Variants in ABCC8 observed in about 807,000 individuals in gnomAD.
ABCC8 encodes ATP binding cassette subfamily C member 8, also known as ATP-binding cassette sub-family C member 8.
Under a neutral mutation model 188.0 loss-of-function variants are expected in ABCC8, and 137 were observed. That is an observed-to-expected ratio of 0.73 (90% CI 0.63 to 0.84). The LOEUF (loss-of-function observed/expected upper bound fraction) is 0.84, where lower values mean the gene tolerates loss of function less well. ABCC8 is among the 40% of genes least tolerant of loss of function. ABCC8 has a pLI of 0.00. For missense variants in ABCC8, 1,750 were observed against 2,072.7 expected (o/e 0.84, Z 3.02); for synonymous variants, 797 against 846.5 (o/e 0.94, Z 1.01).
In ABCC8 at chr11:17,410,647, G is replaced by T. The variant is rs773186703; in HGVS notation, c.2563C>A (p.Pro855Thr). 2 of 1,614,090 alleles carry T rather than the reference G, an allele frequency of 1.2e-6. No individual in the cohort carries two copies. Among genetic ancestry groups the T allele is most frequent in the South Asian group, 2.2e-5 (2 of 91,078 alleles). The change falls in exon 22 of 39, where the codon CCC (proline) becomes ACC (threonine). Residue 855 changes from proline (P) to threonine (T), a missense_variant. Transcript: ENST00000389817. ...AGATGGATATCCAGAGCTGAGAAGG[G>T]GTCATCCTGGGCAGAAGGGAGAGGA... Reference protein sequence around the residue: ...QHANVVFLDDPFSALDIHLSD... With the variant: ...QHANVVFLDDTFSALDIHLSD...
At chr11:17,463,302 C>T in intron 4 of ABCC8, 136 bp downstream of exon 4, 1 of 759,424 alleles carries the variant, frequency 1.3e-6, no homozygotes. Context: ...GCCCCACTCC[C>T]CTTTACACGG....
chr11:17,404,816 CA>C lies in ABCC8; in HGVS notation c.3400-148del. The C allele has an allele frequency of 7.7e-7, 1 of 1,293,636 alleles. No homozygotes were observed. Among genetic ancestry groups the C allele is most frequent in the South Asian group, 1.4e-5 (1 of 72,562 alleles). 80.1% of individuals were successfully genotyped at this position (1,293,636 alleles called of 1,614,324 possible). On this transcript the variant is annotated intron_variant, in intron 27 of 38. Transcript: ENST00000389817. This position sits in a 1 kb window ranked among gnomAD's most constrained non-coding sequence, Gnocchi z 4.7. ...TCTCACTGTTGCCCAGACTTGAGTG[CA>C]GCAGCGTAATCTCGGTTCACGGCAG... is the stretch of plus-strand genomic sequence containing the variant.
At chr11:17,424,383 G>T (rs556914631) in intron 16 of ABCC8, among the ~76,000 whole-genome samples, 2 of 152,314 alleles carry the variant, frequency 1.3e-5, no homozygotes, top group Admixed American at 6.5e-5. Flanking sequence ...GAGGCTCCTT[G>T]TGTTCCCTGG....
intron 12 of ABCC8, chr11:17,428,883 G>A: frequency 1.2e-6 from 1 of 820,046 alleles, no homozygotes; most frequent in Non-Finnish European, 1.9e-6. Context: ...GAATAGGCTG[G>A]GGTCTGGATT....
Position 17,461,640 on chromosome 11 carries a change from G to A in ABCC8, c.765C>T (p.Ile255=), listed in dbSNP as rs753335564. The change falls in exon 5 of 39, where the codon ATC becomes ATT. Residue 255 remains isoleucine, a synonymous_variant. Transcript: ENST00000389817. The part of the protein sequence containing the change: ...IDLRAIGKLP[I]AMRALTNYQR... ...GGTAGTTGGTGAGGGCCCTCATGGC[G>A]ATGGGCAGCTTCCCGATGGCTCGCA... 5.2e-5 allele frequency: 84 copies of A among 1,614,138 alleles called. No individual in the cohort carries two copies. Among genetic ancestry groups the A allele is most frequent in the African/African-American group, 8.0e-5 (6 of 74,950 alleles).
chr11:17,461,380 T>C, intron 5 of ABCC8: 3 of 672,614 alleles, frequency 4.5e-6, no homozygotes, highest in Non-Finnish European at 7.7e-6. Flanking sequence ...TAAGGGCCAT[T>C]CCAACTGTGC....
intron 8 of ABCC8, among the ~76,000 whole-genome samples, chr11:17,443,812 T>C (rs1315457957): frequency 2.0e-5 from 3 of 152,228 alleles, no homozygotes; most frequent in Non-Finnish European, 4.4e-5. Context: ...ATTTTTTTAA[T>C]GAATCTGCCA....
At chr11:17,428,979 G>T (rs1187088547) in intron 12 of ABCC8, 2 of 477,788 alleles carry the variant, frequency 4.2e-6, no homozygotes, top group South Asian at 2.3e-5. Flanking sequence ...TGTTGGATTG[G>T]TCAGGGTTAA....
chr11:17,439,416 T>A (rs1956227616), intron 10 of ABCC8, among the ~76,000 whole-genome samples: 1 of 152,062 alleles, frequency 6.6e-6, no homozygotes, highest in South Asian at 2.1e-4. Context: ...CTCTGCAGCG[T>A]CAGGACTCCA....
intron 11 of ABCC8, 194 bp from the exon 12 acceptor site, chr11:17,431,153 A>G: frequency 1.1e-6 from 1 of 880,066 alleles, no homozygotes; most frequent in Non-Finnish European, 1.7e-6. Flanking sequence ...TCAGGACTTC[A>G]AGCTGGAGAG....
intron 19 of ABCC8, 23 bp downstream of exon 19, chr11:17,414,489 G>T (rs780586333): frequency 1.2e-6 from 2 of 1,613,886 alleles, no homozygotes; most frequent in Non-Finnish European, 8.5e-7. Flanking sequence ...TCCACATCCT[G>T]CCTCCCTCCG....
At chr11:17,460,465 A>C in intron 6 of ABCC8, 23 bp downstream of exon 6, 1 of 1,613,932 alleles carries the variant, frequency 6.2e-7, no homozygotes, top group South Asian at 1.1e-5. Flanking sequence ...AGGGTGCCTT[A>C]CCCTACCCCT....
chr11:17,451,698 G>T (rs1444934269), intron 7 of ABCC8, among the ~76,000 whole-genome samples: 1 of 152,226 alleles, frequency 6.6e-6, no homozygotes, highest in African/African-American at 2.4e-5. Context: ...ACTAGGCATA[G>T]CTGCATCTAG....
chr11:17,405,633 GTTAA>G (rs1369059004), intron 26 of ABCC8, 70 bp from the exon 27 acceptor site: 1 of 1,612,696 alleles, frequency 6.2e-7, no homozygotes, highest in African/African-American at 1.3e-5. Flanking sequence ...GAATGAGATA[GTTAA>G]TTATTTCATG....
chr11:17,443,735 C>A (rs1034722281), intron 8 of ABCC8, among the ~76,000 whole-genome samples: 1 of 152,160 alleles, frequency 6.6e-6, no homozygotes, highest in African/African-American at 2.4e-5. Flanking sequence ...TTACTGCACC[C>A]ATGCCAGAAA....
chr11:17,415,182 G>A, intron 18 of ABCC8, 122 bp downstream of exon 18: 1 of 1,396,958 alleles, frequency 7.2e-7, no homozygotes, highest in South Asian at 1.2e-5. Flanking sequence ...GCCCTCCCTG[G>A]CCTCCCCCAA....
chr11:17,415,241 T>C, intron 18 of ABCC8, 63 bp downstream of exon 18: 1 of 1,571,762 alleles, frequency 6.4e-7, no homozygotes, highest in Non-Finnish European at 8.6e-7. Flanking sequence ...TGTGGCTCCC[T>C]TGGGCCTGAG....
intron 19 of ABCC8, 110 bp from the exon 20 acceptor site, chr11:17,413,588 G>C: frequency 6.2e-7 from 1 of 1,605,212 alleles, no homozygotes; most frequent in South Asian, 1.1e-5. Flanking sequence ...GTGAGCAATG[G>C]CTTTAATAGG....
chr11:17,436,082 C>T, intron 10 of ABCC8: 2 of 896,754 alleles, frequency 2.2e-6, no homozygotes, highest in African/African-American at 1.6e-5. Context: ...TCTTCTTTGG[C>T]TGTGATTCCC....
Sources: gnomAD v4.1 joint callset for allele counts (sites outside exome capture counted in the v4.1 genomes callset) on GRCh38, gnomAD v4.1.1 for gene constraint, Gnocchi (gnomAD v3.1) non-coding constraint, MANE v1.5 for transcripts, NCBI Gene and HGNC (gene_info 2026-07-23, HGNC 2026-07-21) for gene names.